The following MTHFD2L variants were observed in gnomAD, a reference collection of about 807,000 sequenced individuals.
The protein encoded by MTHFD2L is bifunctional methylenetetrahydrofolate dehydrogenase/cyclohydrolase 2, mitochondrial.
A neutral mutation model predicts 34.9 loss-of-function variants in MTHFD2L; 29 were observed. The observed-to-expected ratio is 0.83, with a 90% CI of 0.62 to 1.13. The LOEUF is 1.13. Ranked by LOEUF, MTHFD2L falls within the 50% of genes most tolerant of loss-of-function variation. The probability of loss-of-function intolerance (pLI) is 0.00; values close to 1 mark genes in which losing one functional copy is unlikely to be tolerated. For missense variants in MTHFD2L, 481 were observed against 446.5 expected (o/e 1.08, Z -0.70); for synonymous variants, 167 against 155.7 (o/e 1.07, Z -0.54).
At chr4:74,276,189 A>G (rs757065442) in intron 6 of MTHFD2L, among the ~76,000 whole-genome samples, 14 of 152,124 alleles carry the variant, frequency 9.2e-5, no homozygotes, top group Non-Finnish European at 1.5e-4. Flanking sequence ...GTTTGATGCT[A>G]CCTACTGAAA....
chr4:74,143,935 T>C (rs879145347), intron 1 of MTHFD2L, among the ~76,000 whole-genome samples: 3 of 152,312 alleles, frequency 2.0e-5, no homozygotes, highest in Middle Eastern at 6.8e-3. Flanking sequence ...TAGAATTTTG[T>C]TTTTGAGTAT....
chr4:74,129,151 T>A (rs756542607), intron 1 of MTHFD2L, among the ~76,000 whole-genome samples: 7 of 151,904 alleles, frequency 4.6e-5, no homozygotes, highest in Admixed American at 6.6e-5. Flanking sequence ...ACAACTTAGA[T>A]CACAAATGAA....
In MTHFD2L at chr4:74,197,086, T is replaced by C. The variant is rs904298051; in HGVS notation, c.452-2708T>C. Among the ~76,000 whole-genome samples, 9 of 152,154 alleles carry C rather than the reference T, an allele frequency of 5.9e-5. No homozygotes were observed. The East Asian group carries it at 1.7e-3, about 29-fold the overall frequency. ...ATGACTTCTGTTTTTCCTAGCATGATTTAATGACTTCTCATAACTTTAAAT... is the reference window on the plus strand; with the variant it reads ...ATGACTTCTGTTTTTCCTAGCATGACTTAATGACTTCTCATAACTTTAAAT... On this transcript the variant is annotated intron_variant, in intron 3 of 7. Transcript: ENST00000325278.
intron 3 of MTHFD2L, 131 bp downstream of exon 3, chr4:74,175,534 A>T: frequency 5.2e-6 from 5 of 957,970 alleles, no homozygotes; most frequent in Non-Finnish European, 7.8e-6. Flanking sequence ...TTTACTAGTA[A>T]TAGGTGTAAT....
At chr4:74,124,283 TA>T (rs200539845), upstream of MTHFD2L, among the ~76,000 whole-genome samples, 3 of 151,250 alleles carry the variant, frequency 2.0e-5, no homozygotes, top group Admixed American at 6.6e-5. Context: ...AGTTTTTTTT[TA>T]AAAAAAATAC....
chr4:74,154,766 T>C (rs1724142614), upstream of MTHFD2L, among the ~76,000 whole-genome samples: 1 of 152,134 alleles, frequency 6.6e-6, no homozygotes, highest in Non-Finnish European at 1.5e-5. Context: ...TAGAAACCAA[T>C]ATCTGGGCTG....
chr4:74,230,788 T>C (rs1438200291), intron 6 of MTHFD2L, among the ~76,000 whole-genome samples: 1 of 152,090 alleles, frequency 6.6e-6, no homozygotes, highest in African/African-American at 2.4e-5. Flanking sequence ...TCTAAGATCA[T>C]GTTGGAGATC....
chr4:74,170,837 A>C (rs1727787655), intron 1 of MTHFD2L, among the ~76,000 whole-genome samples: 1 of 151,932 alleles, frequency 6.6e-6, no homozygotes, highest in Admixed American at 6.6e-5. Context: ...AGGGACATGG[A>C]TGAAACTGGA....
chr4:74,174,481 G>C, intron 1 of MTHFD2L, 25 bp from the exon 2 acceptor site: 1 of 1,395,738 alleles, frequency 7.2e-7, no homozygotes, highest in Non-Finnish European at 9.4e-7. Flanking sequence ...TTTCTTTTTA[G>C]TATTTATTGT....
At chr4:74,175,138 T>A in intron 2 of MTHFD2L, 143 bp from the exon 3 acceptor site, 1 of 869,218 alleles carries the variant, frequency 1.2e-6, no homozygotes, top group East Asian at 2.5e-5. Context: ...ACACCTGTAC[T>A]ATTGGAGAAA....
At chr4:74,128,192 G>C (rs1192394197) in intron 1 of MTHFD2L, among the ~76,000 whole-genome samples, 1 of 152,012 alleles carries the variant, frequency 6.6e-6, no homozygotes, top group Admixed American at 6.6e-5. Flanking sequence ...CTCCCATTCT[G>C]TCTCTTTACT....
At chr4:74,117,912 G>A (rs1013327433) in intron 2 of MTHFD2L, among the ~76,000 whole-genome samples, 24 of 152,126 alleles carry the variant, frequency 1.6e-4, no homozygotes, top group Admixed American at 1.1e-3. Context: ...TGTACTTATC[G>A]ATGATATAAT....
At chr4:74,140,405 T>C in intron 1 of MTHFD2L, 1 of 292,394 alleles carries the variant, frequency 3.4e-6, no homozygotes, top group Non-Finnish European at 5.1e-6. Flanking sequence ...GCTATTATTA[T>C]TGGTAATTTT....
At chr4:74,173,734 C>T (rs1033678458) in intron 1 of MTHFD2L, among the ~76,000 whole-genome samples, 4 of 152,050 alleles carry the variant, frequency 2.6e-5, no homozygotes, top group African/African-American at 9.7e-5. Flanking sequence ...TGATCTGCCT[C>T]TTTAGAAAAA....
At chr4:74,246,437 A>G (rs1742461657) in intron 6 of MTHFD2L, among the ~76,000 whole-genome samples, 1 of 151,380 alleles carries the variant, frequency 6.6e-6, no homozygotes, top group Non-Finnish European at 1.5e-5. Flanking sequence ...TTGCCTGTTC[A>G]CTCTGATGGT....
intron 6 of MTHFD2L, among the ~76,000 whole-genome samples, chr4:74,231,310 C>A (rs566398823): frequency 3.9e-5 from 6 of 152,088 alleles, no homozygotes; most frequent in Non-Finnish European, 7.4e-5. Context: ...TGTATTTCCT[C>A]CTCCTTGAAA....
intron 6 of MTHFD2L, among the ~76,000 whole-genome samples, chr4:74,273,718 G>C (rs1295986338): frequency 6.6e-6 from 1 of 152,120 alleles, no homozygotes; most frequent in East Asian, 1.9e-4. Context: ...TGTCAGAGGG[G>C]GAATGGTCTT....
At chr4:74,120,587 G>T (rs1721737710), upstream of MTHFD2L, among the ~76,000 whole-genome samples, 1 of 152,184 alleles carries the variant, frequency 6.6e-6, no homozygotes, top group Non-Finnish European at 1.5e-5. Flanking sequence ...TCTTCACACT[G>T]TGTCATCCGT....
At chr4:74,248,608 G>T (rs1193534717) in intron 6 of MTHFD2L, among the ~76,000 whole-genome samples, 1 of 147,986 alleles carries the variant, frequency 6.8e-6, no homozygotes, top group African/African-American at 2.5e-5. Context: ...GCTTTCTCTT[G>T]TGGGCATTTA....
Sources: allele counts gnomAD v4.1 joint callset (sites outside exome capture counted in the v4.1 genomes callset), GRCh38; gene constraint gnomAD v4.1.1; transcripts MANE v1.5; gene names NCBI Gene and HGNC (gene_info 2026-07-23, HGNC 2026-07-21).